IL33: variants seen among roughly 807,000 people sequenced by gnomAD.
IL33 encodes the protein interleukin-33.
IL33 carries 37 observed loss-of-function variants against 27.3 expected under a neutral mutation model. The observed-to-expected ratio is 1.36, with a 90% confidence interval of 1.04 to 1.78. IL33 has a LOEUF of 1.78. Ranked by LOEUF, IL33 falls within the 40% of genes most tolerant of loss-of-function variation. IL33 has a pLI of 0.00. For synonymous variants in IL33, 132 were observed against 102.9 expected (o/e 1.28, Z -1.71); for missense variants, 406 against 311.4 (o/e 1.30, Z -2.29).
chr9:6,239,957 A>T (rs1289510353), intron 1 of IL33, among the ~76,000 whole-genome samples: 1 of 152,176 alleles, frequency 6.6e-6, no homozygotes, highest in Admixed American at 6.5e-5. Context: ...CTCATATTTA[A>T]CATTCCATAG....
intron 1 of IL33, among the ~76,000 whole-genome samples, chr9:6,220,625 C>T (rs1014932176): frequency 6.6e-6 from 1 of 152,060 alleles, no homozygotes; most frequent in Non-Finnish European, 1.5e-5. Flanking sequence ...GTTTTTCCTC[C>T]CTAAATTTTA....
chr9:6,219,723 G>T lies in IL33; in HGVS notation c.-12+3871G>T, dbSNP rs758543251. On this transcript the variant is annotated intron_variant, in intron 1 of 7. Coordinates refer to ENST00000682010, the MANE Select transcript of IL33 (RefSeq NM_033439.4). Reference sequence around the variant, plus strand: ...AAACAAGTTAGAAGCAGTCATCAAAGGTAATTTATTAATCACTGACCATTT... The same window carrying T: ...AAACAAGTTAGAAGCAGTCATCAAATGTAATTTATTAATCACTGACCATTT... 8.2e-4 allele frequency among the ~76,000 whole-genome samples: 125 copies of T among 152,216 alleles called. 1 individual carries two copies. Among genetic ancestry groups the T allele is most frequent in the Admixed American group, 7.8e-4 (12 of 15,296 alleles).
At chr9:6,240,475 G>T (rs1819466482) in intron 1 of IL33, among the ~76,000 whole-genome samples, 2 of 152,164 alleles carry the variant, frequency 1.3e-5, no homozygotes, top group African/African-American at 4.8e-5. Context: ...CAGGTTGTAG[G>T]CTTCAGAGAG....
chr9:6,243,702 A>C (rs1819662889), intron 2 of IL33, among the ~76,000 whole-genome samples: 1 of 152,228 alleles, frequency 6.6e-6, no homozygotes, highest in Non-Finnish European at 1.5e-5. Flanking sequence ...GAGTAGTAAC[A>C]CAAAAGTAAG....
Position 6,256,260 on chromosome 9 carries a change from G to C in IL33, c.*92G>C. The C allele has an allele frequency of 1.1e-6, 1 of 894,042 alleles. No homozygotes were observed. Among genetic ancestry groups the C allele is most frequent in the South Asian group, 1.5e-5 (1 of 65,296 alleles). 55.4% of individuals were successfully genotyped at this position (894,042 alleles called of 1,614,324 possible). ...AAAGAAAGAGACAGGTGACATCTAA[G>C]GGAAATGAAGAGTGCTTAGCATGTG... On this transcript the variant is annotated 3_prime_UTR_variant, in exon 8 of 8. Coordinates refer to ENST00000682010, the MANE Select transcript of IL33 (RefSeq NM_033439.4).
chr9:6,241,483 A>G (rs1819526078), intron 1 of IL33, among the ~76,000 whole-genome samples: 1 of 152,202 alleles, frequency 6.6e-6, no homozygotes, highest in African/African-American at 2.4e-5. Flanking sequence ...TGTGCAATCC[A>G]TTGACCAAAG....
Position 6,257,464 on chromosome 9 carries a change from T to C in IL33, c.*1296T>C, listed in dbSNP as rs1816801900. The C allele has an allele frequency of 6.6e-6, 1 of 152,646 alleles. No individual in the cohort carries two copies. The highest frequency in any genetic ancestry group is 2.4e-5 in the African/African-American group (1 of 41,460). 9.5% of individuals were successfully genotyped at this position (152,646 alleles called of 1,614,324 possible). On this transcript the variant is annotated 3_prime_UTR_variant, in exon 8 of 8. Transcript: ENST00000682010. ...TTTTAGATAAAGCTATTAATGGCAA[T>C]ATTTTTTTGCTAAACGTTTTTGTTT...
At chr9:6,235,306 A>T (rs1347570711) in intron 1 of IL33, among the ~76,000 whole-genome samples, 1 of 152,150 alleles carries the variant, frequency 6.6e-6, no homozygotes, top group Non-Finnish European at 1.5e-5. Context: ...AGGCCTCCCA[A>T]TGCACTGGGA....
Position 6,252,846 on chromosome 9 carries a change from T to G in IL33, c.344-20T>G, listed in dbSNP as rs369046688. ...GCCAAAAGAATTGTGCCTGACAAAT[T>G]TTTGAATTCTTAACAACAGGAATTT... On this transcript the variant is annotated intron_variant, in intron 4 of 7. Coordinates refer to ENST00000682010, the MANE Select transcript of IL33 (RefSeq NM_033439.4). 17 of 1,592,258 alleles carry G rather than the reference T, an allele frequency of 1.1e-5. No individual in the cohort carries two copies. Among genetic ancestry groups the G allele is most frequent in the Admixed American group, 3.8e-5 (2 of 52,284 alleles).
intron 1 of IL33, among the ~76,000 whole-genome samples, chr9:6,218,673 C>CATATATATATATGTTCT (rs1818259813): frequency 7.7e-6 from 1 of 130,220 alleles, no homozygotes; most frequent in Non-Finnish European, 1.6e-5. Context: ...TATATATATC[C>CATATATATATATGTTCT]CCATATATAT....
At chr9:6,243,476 C>G (rs1034772905) in intron 2 of IL33, among the ~76,000 whole-genome samples, 1 of 152,172 alleles carries the variant, frequency 6.6e-6, no homozygotes, top group Admixed American at 6.5e-5. Flanking sequence ...GTCTCAGCCT[C>G]CCAAGTAGCT....
At chr9:6,223,993 A>G (rs1025258122) in intron 1 of IL33, among the ~76,000 whole-genome samples, 4 of 152,192 alleles carry the variant, frequency 2.6e-5, no homozygotes, top group African/African-American at 9.6e-5. Flanking sequence ...GAAGCCAAGA[A>G]GCGCTTACTC....
chr9:6,248,650 C>G (rs1820018975), intron 2 of IL33, among the ~76,000 whole-genome samples: 1 of 152,080 alleles, frequency 6.6e-6, no homozygotes, highest in Non-Finnish European at 1.5e-5. Flanking sequence ...TTATAGCTCA[C>G]TACAGCCTCA....
chr9:6,234,546 C>A (rs7034720), intron 1 of IL33, among the ~76,000 whole-genome samples: 94,494 of 151,960 alleles, frequency 0.62, 30,542 homozygotes, highest in Middle Eastern at 0.74. Flanking sequence ...CCTGACTCAG[C>A]CACTTGGTAA....
chr9:6,226,489 C>G (rs1032390760), intron 1 of IL33, among the ~76,000 whole-genome samples: 4 of 152,104 alleles, frequency 2.6e-5, no homozygotes, highest in Non-Finnish European at 5.9e-5. Flanking sequence ...CATTTTTCTT[C>G]CAAGTCTTTT....
At chr9:6,248,577 T>C (rs1820014910) in intron 2 of IL33, among the ~76,000 whole-genome samples, 1 of 151,856 alleles carries the variant, frequency 6.6e-6, no homozygotes, top group African/African-American at 2.4e-5. Flanking sequence ...ATTTCTATCT[T>C]TTTTTTCTTT....
chr9:6,227,522 C>T (rs538769586), intron 1 of IL33, among the ~76,000 whole-genome samples: 1 of 152,194 alleles, frequency 6.6e-6, no homozygotes, highest in East Asian at 1.9e-4. Flanking sequence ...TAAATGTAAA[C>T]TTATGAAGCA....
At chr9:6,240,229 T>C (rs2130305110) in intron 1 of IL33, among the ~76,000 whole-genome samples, 1 of 152,308 alleles carries the variant, frequency 6.6e-6, no homozygotes, top group Non-Finnish European at 1.5e-5. Context: ...AAGTGGTTGG[T>C]GTGCATTTTG....
rs979506748 is a variant in IL33, at chr9:6,256,349, C to T, written c.*181C>T. ...TAATCCTCCAGTTATTCTTTTATTT[C>T]CCTCTGTATAACTGCATCTTCAATA... On this transcript the variant is annotated 3_prime_UTR_variant, in exon 8 of 8. Coordinates refer to ENST00000682010, the MANE Select transcript of IL33 (RefSeq NM_033439.4). The T allele has an allele frequency of 1.7e-6, 1 of 587,230 alleles. No individual in the cohort carries two copies. Among genetic ancestry groups the T allele is most frequent in the Non-Finnish European group, 3.0e-6 (1 of 334,268 alleles). 36.4% of individuals were successfully genotyped at this position (587,230 alleles called of 1,614,324 possible). A position where few individuals can be genotyped will look rare whatever the true frequency, so the allele number is the denominator to read the frequency against.
Sources: allele counts gnomAD v4.1 joint callset (sites outside exome capture counted in the v4.1 genomes callset), GRCh38; gene constraint gnomAD v4.1.1; transcripts MANE v1.5; gene names NCBI Gene and HGNC (gene_info 2026-07-23, HGNC 2026-07-21).